ARHGAP15: variants seen among roughly 807,000 people sequenced by gnomAD.
The protein encoded by ARHGAP15 is rho GTPase-activating protein 15.
Under a neutral mutation model 63.7 loss-of-function variants are expected in ARHGAP15, and 51 were observed. The observed-to-expected ratio is 0.80, with a 90% CI of 0.64 to 1.01. ARHGAP15 has a LOEUF of 1.01. Ranked by LOEUF, ARHGAP15 falls within the 50% of genes least tolerant of loss-of-function variation. The pLI is 0.00. For synonymous variants in ARHGAP15, 191 were observed against 193.8 expected, an observed-to-expected ratio of 0.99 and a Z score of 0.12; for missense variants, 560 against 564.6, an observed-to-expected ratio of 0.99 and a Z score of 0.08.
chr2:143,170,898 T>C (rs1332886229), intron 2 of ARHGAP15, among the ~76,000 whole-genome samples: 1 of 152,140 alleles, frequency 6.6e-6, no homozygotes, highest in Non-Finnish European at 1.5e-5. Context: ...CTCCGTGAAG[T>C]CAGACACTTT....
intron 10 of ARHGAP15, among the ~76,000 whole-genome samples, chr2:143,530,797 TG>T (rs2105014423): frequency 6.6e-6 from 1 of 152,324 alleles, no homozygotes; most frequent in African/African-American, 2.4e-5. Flanking sequence ...ATGATTCTTT[TG>T]TCCTCACAGA....
At chr2:143,550,396 A>C (rs1344343913) in intron 10 of ARHGAP15, among the ~76,000 whole-genome samples, 1 of 152,236 alleles carries the variant, frequency 6.6e-6, no homozygotes, top group Non-Finnish European at 1.5e-5. Flanking sequence ...AAACTTCTTA[A>C]ACTTCAATCC....
intron 12 of ARHGAP15, among the ~76,000 whole-genome samples, chr2:143,661,148 T>G (rs1681748023): frequency 6.6e-6 from 1 of 152,174 alleles, no homozygotes; most frequent in Non-Finnish European, 1.5e-5. Context: ...CAACAAGGAT[T>G]TCTTTGCTTT....
chr2:143,727,529 T>C (rs930141816), intron 13 of ARHGAP15, among the ~76,000 whole-genome samples: 1 of 152,210 alleles, frequency 6.6e-6, no homozygotes, highest in African/African-American at 2.4e-5. Context: ...GATTTGAATA[T>C]ATTAATATTT....
chr2:143,465,837 G>C (rs1691179797), intron 8 of ARHGAP15, among the ~76,000 whole-genome samples: 1 of 151,892 alleles, frequency 6.6e-6, no homozygotes, highest in Non-Finnish European at 1.5e-5. Flanking sequence ...TTGTGCTTAG[G>C]TATGACACTT....
chr2:143,458,340 G>A (rs1690758362), intron 8 of ARHGAP15, among the ~76,000 whole-genome samples: 1 of 152,168 alleles, frequency 6.6e-6, no homozygotes, highest in African/African-American at 2.4e-5. Context: ...TGTGTCTGCA[G>A]CTATAGTGAA....
intron 8 of ARHGAP15, among the ~76,000 whole-genome samples, chr2:143,450,200 G>T (rs954016164): frequency 1.4e-5 from 2 of 146,374 alleles, no homozygotes; most frequent in Non-Finnish European, 1.5e-5. Context: ...TGATTTCCAC[G>T]GAAGGGTTTG....
intron 6 of ARHGAP15, among the ~76,000 whole-genome samples, chr2:143,398,090 T>C (rs920113930): frequency 6.6e-6 from 1 of 152,046 alleles, no homozygotes; most frequent in Non-Finnish European, 1.5e-5. Context: ...CTTTATTTCA[T>C]CCTCCCACTT....
chr2:143,334,262 G>A (rs76998000), intron 6 of ARHGAP15, among the ~76,000 whole-genome samples: 2,060 of 151,436 alleles, frequency 0.014, 44 homozygotes, highest in African/African-American at 0.048. Flanking sequence ...TTTTTTGTTT[G>A]GTTCTAATTT....
intron 2 of ARHGAP15, among the ~76,000 whole-genome samples, chr2:143,178,419 G>T (rs1046189780): frequency 6.6e-6 from 1 of 152,046 alleles, no homozygotes; most frequent in African/African-American, 2.4e-5. Flanking sequence ...CAGTTTTAAA[G>T]AACTCATTAA....
intron 13 of ARHGAP15, among the ~76,000 whole-genome samples, chr2:143,728,364 A>G (rs960847380): frequency 6.6e-6 from 1 of 152,180 alleles, no homozygotes; most frequent in Non-Finnish European, 1.5e-5. Flanking sequence ...TTAAAGGCCC[A>G]GTCTCCAAAT....
intron 12 of ARHGAP15, among the ~76,000 whole-genome samples, chr2:143,664,713 C>A (rs1250644955): frequency 1.3e-5 from 2 of 152,224 alleles, no homozygotes; most frequent in African/African-American, 4.8e-5. Context: ...CAAATAGACA[C>A]AATAAAAATG....
At chr2:143,754,454 C>A (rs1686498490) in intron 13 of ARHGAP15, among the ~76,000 whole-genome samples, 2 of 152,176 alleles carry the variant, frequency 1.3e-5, no homozygotes, top group South Asian at 2.1e-4. Flanking sequence ...AGGTCTGGAT[C>A]TCAGTCACTC....
chr2:143,422,248 G>T (rs1688955449), intron 6 of ARHGAP15, among the ~76,000 whole-genome samples: 1 of 152,160 alleles, frequency 6.6e-6, no homozygotes, highest in East Asian at 1.9e-4. Context: ...TACTCCCCAG[G>T]ATACTAGAGA....
chr2:143,706,017 C>T (rs185771592), intron 13 of ARHGAP15, among the ~76,000 whole-genome samples: 4 of 152,234 alleles, frequency 2.6e-5, no homozygotes, highest in African/African-American at 9.6e-5. Flanking sequence ...ATTATTATAT[C>T]ACTTCACAGT....
At chr2:143,235,929 G>A (rs1250829813) in intron 5 of ARHGAP15, 1 of 1,544,566 alleles carries the variant, frequency 6.5e-7, no homozygotes, top group South Asian at 1.2e-5. Flanking sequence ...AGTACCTGCT[G>A]TACTTTGTGA....
intron 11 of ARHGAP15, among the ~76,000 whole-genome samples, chr2:143,609,821 C>G (rs1222402161): frequency 6.6e-6 from 1 of 152,064 alleles, no homozygotes; most frequent in Admixed American, 6.6e-5. Context: ...GGGCAGGAGA[C>G]AATGCAAGAA....
chr2:143,641,560 C>A (rs1680601345), intron 12 of ARHGAP15, among the ~76,000 whole-genome samples: 1 of 152,022 alleles, frequency 6.6e-6, no homozygotes, highest in South Asian at 2.1e-4. Flanking sequence ...ATTTTCTTTT[C>A]TCTAATGTTG....
intron 8 of ARHGAP15, among the ~76,000 whole-genome samples, chr2:143,439,533 T>TAA (rs142266728): frequency 0.013 from 1,879 of 148,150 alleles, 29 homozygotes; most frequent in South Asian, 0.025. Context: ...ACTTTGAAGT[T>TAA]AAAAAAAAAC....
Sources: gnomAD v4.1 joint callset for allele counts (sites outside exome capture counted in the v4.1 genomes callset) on GRCh38, gnomAD v4.1.1 for gene constraint, MANE v1.5 for transcripts, NCBI Gene and HGNC (gene_info 2026-07-23, HGNC 2026-07-21) for gene names.